The following XPA variants were observed in gnomAD, a reference collection of about 807,000 sequenced individuals.
XPA encodes the protein DNA repair protein complementing XP-A cells.
A neutral mutation model predicts 35.7 loss-of-function variants in XPA; 27 were observed. That is an observed-to-expected ratio of 0.76 (90% CI 0.56 to 1.04). The LOEUF (loss-of-function observed/expected upper bound fraction) is 1.04, where lower values mean the gene tolerates loss of function less well. Ranked by LOEUF, XPA falls within the 50% of genes least tolerant of loss-of-function variation. XPA has a pLI of 0.00. For missense variants in XPA, 354 were observed against 342.7 expected, an observed-to-expected ratio of 1.03 and a Z score of -0.26; for synonymous variants, 133 against 118.4, an observed-to-expected ratio of 1.12 and a Z score of -0.80.
the XPA span, among the ~76,000 whole-genome samples, chr9:97,656,433 G>A: frequency 6.6e-6 from 1 of 152,140 alleles, no homozygotes; most frequent in Non-Finnish European, 1.5e-5. Context: ...ATAAAAATTT[G>A]CGAGGCGTGT....
the XPA span, among the ~76,000 whole-genome samples, chr9:97,663,575 C>G: frequency 3.9e-5 from 6 of 151,984 alleles, no homozygotes; most frequent in African/African-American, 9.7e-5. Context: ...ACCTCCGCCT[C>G]CCGGGTTCAA....
chr9:97,654,819 G>C, the XPA span: 1 of 1,364,322 alleles, frequency 7.3e-7, no homozygotes, highest in Non-Finnish European at 1.0e-6. Flanking sequence ...TTCTATTCTT[G>C]TCTATTACAA....
chr9:97,660,196 C>T, the XPA span, among the ~76,000 whole-genome samples: 1 of 152,122 alleles, frequency 6.6e-6, no homozygotes, highest in African/African-American at 2.4e-5. Context: ...ATATGACTGT[C>T]CTCACATGAC....
At chr9:97,659,853 T>G in the XPA span, among the ~76,000 whole-genome samples, 1 of 152,254 alleles carries the variant, frequency 6.6e-6, no homozygotes, top group Non-Finnish European at 1.5e-5. Flanking sequence ...CCATTGTTCC[T>G]ACTTTGTTAT....
intron 5 of XPA, 42 bp from the exon 6 acceptor site, chr9:97,675,629 T>C: frequency 6.2e-7 from 1 of 1,613,340 alleles, no homozygotes; most frequent in Non-Finnish European, 8.5e-7. Context: ...GTGGTGCTAT[T>C]CAGGTGAATC....
At position 97,684,957 on chromosome 9, in the gene XPA, T is replaced by C; in HGVS notation, c.639A>G (p.Lys213=). The stretch of plus-strand genomic sequence containing the variant: ...TTTTATCAAATTTCTTCTGTTTCAT[T>C]TTTTCTCGGTTTTCCTGTCGGACTT... The part of the protein sequence containing the change: ...AKEVRQENRE[K]MKQKKFDKKV... The change falls in exon 5 of 6, where the codon AAA becomes AAG. Residue 213 remains lysine (K), a synonymous_variant. Transcript: ENST00000375128. The C allele has an allele frequency of 1.2e-6, 2 of 1,613,716 alleles. No individual in the cohort carries two copies. Among genetic ancestry groups the C allele is most frequent in the Non-Finnish European group, 1.7e-6 (2 of 1,179,774 alleles).
At chr9:97,657,153 A>G in the XPA span, among the ~76,000 whole-genome samples, 3 of 152,074 alleles carry the variant, frequency 2.0e-5, no homozygotes, top group Non-Finnish European at 4.4e-5. Context: ...GTTTTAGTAG[A>G]GACGGGGTTT....
intron 5 of XPA, chr9:97,682,459 TAAA>T (rs1322515076): frequency 3.9e-6 from 2 of 518,754 alleles, no homozygotes; most frequent in Non-Finnish European, 3.8e-6. Flanking sequence ...AAGCCATAAT[TAAA>T]GAAGGCATCA....
At chr9:97,680,475 T>C (rs979410099) in intron 5 of XPA, among the ~76,000 whole-genome samples, 2 of 152,014 alleles carry the variant, frequency 1.3e-5, no homozygotes, top group Non-Finnish European at 2.9e-5. Flanking sequence ...TCCTGAAGTG[T>C]TGGGATTACA....
chr9:97,667,438 G>A, the XPA span, among the ~76,000 whole-genome samples: 2,089 of 152,280 alleles, frequency 0.014, 102 homozygotes, highest in East Asian at 0.12. Context: ...TGAGTTTAGT[G>A]CCCTATAGGA....
At chr9:97,689,205 T>C (rs546684028) in intron 3 of XPA, among the ~76,000 whole-genome samples, 2 of 152,078 alleles carry the variant, frequency 1.3e-5, no homozygotes, top group East Asian at 3.9e-4. Flanking sequence ...GAGGGATCAT[T>C]AGGGCTGGGT....
At chr9:97,675,612 C>T (rs745359589) in intron 5 of XPA, 25 bp from the exon 6 acceptor site, 4 of 1,613,792 alleles carry the variant, frequency 2.5e-6, no homozygotes, top group Non-Finnish European at 3.4e-6. Context: ...TTAAAGTCAT[C>T]TTTTCAGTGG....
chr9:97,690,942 G>A (rs1362009616), intron 2 of XPA, among the ~76,000 whole-genome samples: 1 of 152,210 alleles, frequency 6.6e-6, no homozygotes, highest in African/African-American at 2.4e-5. Flanking sequence ...TTTTTGCTAT[G>A]ATAAGGATAA....
chr9:97,670,677 G>C (rs1828161843), downstream of XPA, among the ~76,000 whole-genome samples: 1 of 152,170 alleles, frequency 6.6e-6, no homozygotes, highest in Non-Finnish European at 1.5e-5. Flanking sequence ...ATAGACAAGA[G>C]TATTTCGTTT....
At chr9:97,681,211 GAC>G (rs1021129218) in intron 5 of XPA, among the ~76,000 whole-genome samples, 38 of 152,270 alleles carry the variant, frequency 2.5e-4, no homozygotes, top group African/African-American at 9.1e-4. Context: ...AAATTTAAAA[GAC>G]AACTAGCTGC....
the XPA span, chr9:97,669,871 A>C: frequency 1.0e-5 from 7 of 697,636 alleles, no homozygotes; most frequent in Non-Finnish European, 1.8e-5. Context: ...ATTTAGGCTT[A>C]AACTGATTCT....
chr9:97,675,011 A>G lies in XPA; in HGVS notation c.*428T>C, dbSNP rs143474170. On this transcript the variant is annotated 3_prime_UTR_variant, in exon 6 of 6. Transcript: ENST00000375128. ...GTGGAGACAGAAATCGTCCTAAAAA[A>G]CACATGACTAGAACCTGGGGTACAG... is the stretch of plus-strand genomic sequence containing the variant. 66 of 527,326 alleles carry G rather than the reference A, an allele frequency of 1.3e-4. No homozygotes were observed. The highest frequency in any genetic ancestry group is 1.1e-3 in the African/African-American group (61 of 53,500). The allele number at this position is 527,326 out of a possible 1,614,324, so 32.7% of individuals were successfully genotyped here. A position where few individuals can be genotyped will look rare whatever the true frequency, so the allele number is the denominator to read the frequency against.
intron 5 of XPA, among the ~76,000 whole-genome samples, chr9:97,676,839 G>T (rs1361165712): frequency 2.0e-5 from 3 of 152,036 alleles, no homozygotes; most frequent in Non-Finnish European, 2.9e-5. Flanking sequence ...ATAGTTTTTG[G>T]TCTGGAAGAA....
the XPA span, among the ~76,000 whole-genome samples, chr9:97,662,557 G>C: frequency 6.6e-6 from 1 of 152,192 alleles, no homozygotes; most frequent in Non-Finnish European, 1.5e-5. Flanking sequence ...TCCAAAGGAA[G>C]AAAGAGCACA....
Sources: gnomAD v4.1 joint callset for allele counts (sites outside exome capture counted in the v4.1 genomes callset) on GRCh38, gnomAD v4.1.1 for gene constraint, MANE v1.5 for transcripts, NCBI Gene and HGNC (gene_info 2026-07-23, HGNC 2026-07-21) for gene names.